Variants in GNA12 observed in about 807,000 individuals in gnomAD.
GNA12 encodes guanine nucleotide-binding protein subunit alpha-12.
GNA12 carries 9 observed loss-of-function variants against 26.0 expected under a neutral mutation model. The ratio of observed to expected loss-of-function variants is 0.35; its 90% confidence interval spans 0.21 to 0.60. GNA12 has a LOEUF of 0.60. GNA12 is among the 20% of genes least tolerant of loss of function. The pLI is 0.78. For synonymous variants in GNA12, 264 were observed against 219.6 expected, an observed-to-expected ratio of 1.20 and a Z score of -1.79; for missense variants, 405 against 525.8, an observed-to-expected ratio of 0.77 and a Z score of 2.25.
At chr7:2,840,173 ACT>A (rs1464609702) in intron 1 of GNA12, among the ~76,000 whole-genome samples, 4 of 152,160 alleles carry the variant, frequency 2.6e-5, no homozygotes, top group African/African-American at 9.7e-5. Context: ...GAACATAATC[ACT>A]GAGGGAAAGC....
chr7:2,806,479 GAAAA>G (rs1792952661), intron 1 of GNA12, among the ~76,000 whole-genome samples: 1 of 121,784 alleles, frequency 8.2e-6, no homozygotes, highest in African/African-American at 3.1e-5. Flanking sequence ...AAAAAAAAAA[GAAAA>G]AGAAAAAAGA....
intron 1 of GNA12, among the ~76,000 whole-genome samples, chr7:2,816,551 T>C (rs1793223974): frequency 6.6e-6 from 1 of 152,232 alleles, no homozygotes; most frequent in African/African-American, 2.4e-5. Context: ...ATTTTTTAAA[T>C]GATATATTCA....
chr7:2,835,974 GTTGTATGCAAAAT>G lies in GNA12; in HGVS notation c.309+7866_309+7878del, dbSNP rs1778825758. On this transcript the variant is annotated intron_variant, in intron 1 of 3. Transcript: ENST00000275364. ...GGGTGTGAGCAGATTTGAAAGTTCA[GTTGTATGCAAAAT>G]TTGGGAGCAGCATAAACCTTGAAGC... The G allele has an allele frequency of 6.4e-6, 3 of 470,170 alleles. No homozygotes were observed. The Admixed American group carries it at 8.9e-5, about 14-fold the overall frequency. 29.1% of individuals were successfully genotyped at this position (470,170 alleles called of 1,614,324 possible).
chr7:2,833,601 T>C (rs1423913648), intron 1 of GNA12, among the ~76,000 whole-genome samples: 1 of 152,224 alleles, frequency 6.6e-6, no homozygotes, highest in African/African-American at 2.4e-5. Flanking sequence ...CTCTCTGGAC[T>C]TAGTTAGCTG....
chr7:2,834,585 C>A (rs971369342), intron 1 of GNA12, among the ~76,000 whole-genome samples: 2 of 152,150 alleles, frequency 1.3e-5, no homozygotes, highest in Non-Finnish European at 2.9e-5. Context: ...AAGAGACCAC[C>A]CACTCTAATC....
intron 2 of GNA12, among the ~76,000 whole-genome samples, chr7:2,756,034 G>T (rs778369590): frequency 6.6e-6 from 1 of 152,112 alleles, no homozygotes; most frequent in African/African-American, 2.4e-5. Context: ...GAAGAACAAC[G>T]TTTTCATAAT....
At chr7:2,824,791 C>A (rs181040808) in intron 1 of GNA12, among the ~76,000 whole-genome samples, 2 of 152,336 alleles carry the variant, frequency 1.3e-5, no homozygotes, top group East Asian at 3.9e-4. Flanking sequence ...ATAAAAAAAT[C>A]CCTGCTGCTC....
At chr7:2,841,708 G>A (rs1045395599) in intron 1 of GNA12, among the ~76,000 whole-genome samples, 3 of 152,226 alleles carry the variant, frequency 2.0e-5, no homozygotes, top group African/African-American at 7.2e-5. Context: ...TGGCCTGGAA[G>A]TCTGGAGGCC....
At chr7:2,817,435 T>A (rs1484117370) in intron 1 of GNA12, among the ~76,000 whole-genome samples, 1 of 152,116 alleles carries the variant, frequency 6.6e-6, no homozygotes, top group Non-Finnish European at 1.5e-5. Context: ...TAAATGAGAA[T>A]CCTTACACAG....
chr7:2,747,599 G>C (rs1372345225), intron 2 of GNA12, among the ~76,000 whole-genome samples: 4 of 152,166 alleles, frequency 2.6e-5, no homozygotes, highest in Non-Finnish European at 4.4e-5. Flanking sequence ...CATTCCCTTT[G>C]AAAACTGGCA....
intron 1 of GNA12, among the ~76,000 whole-genome samples, chr7:2,839,813 A>G (rs868167308): frequency 9.9e-5 from 15 of 152,164 alleles, no homozygotes; most frequent in African/African-American, 2.7e-4. Context: ...AGCCTGGCCA[A>G]CATGGTGAAA....
intron 2 of GNA12, among the ~76,000 whole-genome samples, chr7:2,768,323 C>T (rs1791858065): frequency 6.6e-6 from 1 of 152,238 alleles, no homozygotes; most frequent in Non-Finnish European, 1.5e-5. Context: ...CTAATTCAAA[C>T]CTGGATCTCT....
At chr7:2,785,361 G>A (rs141605594) in intron 2 of GNA12, among the ~76,000 whole-genome samples, 22 of 152,222 alleles carry the variant, frequency 1.4e-4, no homozygotes, top group Middle Eastern at 3.4e-3. Context: ...GACCTCAAAC[G>A]GTGTCAATAT....
intron 1 of GNA12, among the ~76,000 whole-genome samples, chr7:2,803,542 GCCCTGTTGTGTAAGCACAATACCC>G (rs1354990390): frequency 2.0e-5 from 3 of 152,164 alleles, no homozygotes; most frequent in Admixed American, 2.0e-4. Flanking sequence ...AGCAGTGAGG[GCCCTGTTGTGTAAGCACAATACCC>G]ACCAGTTCTC....
chr7:2,789,132 CTTTTTTTT>C (rs71026556), intron 2 of GNA12, among the ~76,000 whole-genome samples: 2 of 72,822 alleles, frequency 2.7e-5, no homozygotes, highest in East Asian at 3.8e-4. Flanking sequence ...CTTCAGGCAT[CTTTTTTTT>C]TTTTTTTTTT....
intron 2 of GNA12, among the ~76,000 whole-genome samples, chr7:2,779,841 G>A (rs757184635): frequency 3.4e-4 from 51 of 151,778 alleles, no homozygotes; most frequent in Non-Finnish European, 6.8e-4. Flanking sequence ...CATGTGATCT[G>A]CCCACCTCAG....
At chr7:2,830,961 AAC>A in intron 1 of GNA12, among the ~76,000 whole-genome samples, 1 of 148,972 alleles carries the variant, frequency 6.7e-6, no homozygotes, top group Non-Finnish European at 1.5e-5. Context: ...ATGAAAAAAA[AAC>A]AAAAAACAAA....
At chr7:2,825,618 G>A (rs1237422202) in intron 1 of GNA12, among the ~76,000 whole-genome samples, 1 of 152,198 alleles carries the variant, frequency 6.6e-6, no homozygotes, top group Non-Finnish European at 1.5e-5. Context: ...TTCTGGCTGA[G>A]AAGGTATCGA....
chr7:2,809,399 T>TA (rs764689972), intron 1 of GNA12, among the ~76,000 whole-genome samples: 12 of 152,308 alleles, frequency 7.9e-5, no homozygotes, highest in Admixed American at 3.3e-4. Context: ...CCAAAGTTGA[T>TA]AAAAAATACA....
Sources: gnomAD v4.1 joint callset for allele counts (sites outside exome capture counted in the v4.1 genomes callset) on GRCh38, gnomAD v4.1.1 for gene constraint, MANE v1.5 for transcripts, NCBI Gene and HGNC (gene_info 2026-07-23, HGNC 2026-07-21) for gene names.